The following ADAMTS18 variants were observed in gnomAD, a reference collection of about 807,000 sequenced individuals.
ADAMTS18 encodes the protein ADAM metallopeptidase with thrombospondin type 1 motif 18.
In ADAMTS18, 157 loss-of-function variants were observed where a neutral mutation model predicts 165.9. The observed-to-expected ratio is 0.95, with a 90% CI of 0.83 to 1.08. The LOEUF is 1.08. Among genes scored for constraint, ADAMTS18 ranks in the 50% least tolerant of loss-of-function variants. ADAMTS18 has a pLI of 0.00. For missense variants in ADAMTS18, 2,040 were observed against 1,534.0 expected (o/e 1.33, Z -5.51); for synonymous variants, 782 against 578.2 (o/e 1.35, Z -5.06).
chr16:77,392,853 C>G lies in ADAMTS18; in HGVS notation c.496-25130G>C, dbSNP rs542244169. Among the ~76,000 whole-genome samples, 4 of 152,202 alleles carry G rather than the reference C, an allele frequency of 2.6e-5. No individual in the cohort carries two copies. In the East Asian group the frequency reaches 7.7e-4, roughly 29 times the overall value. On this transcript the variant is annotated intron_variant, in intron 3 of 22. Coordinates refer to ENST00000282849, the MANE Select transcript of ADAMTS18 (RefSeq NM_199355.4). Reference sequence around the variant, plus strand: ...TCATTTACTCTTCAGTTTAATCAGGCAATAAATGAGAAGGCGTAAATGGCA... The same window carrying G: ...TCATTTACTCTTCAGTTTAATCAGGGAATAAATGAGAAGGCGTAAATGGCA...
Position 77,370,515 on chromosome 16 carries a change from C to T in ADAMTS18, c.496-2792G>A, listed in dbSNP as rs562598474. Among the ~76,000 whole-genome samples, 447 of 152,066 alleles carry T rather than the reference C, an allele frequency of 2.9e-3. 5 individuals carry two copies. The highest frequency in any genetic ancestry group is 9.5e-3 in the African/African-American group (394 of 41,488). On this transcript the variant is annotated intron_variant, in intron 3 of 22. Coordinates refer to ENST00000282849, the MANE Select transcript of ADAMTS18 (RefSeq NM_199355.4). Reference sequence around the variant, plus strand: ...CTGTAATCTCAGGACTTTGGGAGGCCGAGGTGGGTGGATCACTTGAGGTCA... The same window carrying T: ...CTGTAATCTCAGGACTTTGGGAGGCTGAGGTGGGTGGATCACTTGAGGTCA...
chr16:77,371,386 C>T (rs1457521738), intron 3 of ADAMTS18, among the ~76,000 whole-genome samples: 1 of 152,014 alleles, frequency 6.6e-6, no homozygotes, highest in Non-Finnish European at 1.5e-5. Context: ...TTGAAATATA[C>T]TAGAAAGCTA....
intron 3 of ADAMTS18, among the ~76,000 whole-genome samples, chr16:77,418,609 C>T (rs1474181929): frequency 6.6e-6 from 1 of 152,172 alleles, no homozygotes; most frequent in Admixed American, 6.5e-5. Flanking sequence ...CAATGCCCGA[C>T]TGAGAAACCC....
intron 9 of ADAMTS18, among the ~76,000 whole-genome samples, chr16:77,355,090 T>G (rs900683581): frequency 6.6e-6 from 1 of 152,086 alleles, no homozygotes; most frequent in Non-Finnish European, 1.5e-5. Context: ...AGGTTAAAAA[T>G]AAAGTATCAA....
At chr16:77,395,173 A>G (rs2144798129) in intron 3 of ADAMTS18, among the ~76,000 whole-genome samples, 1 of 152,174 alleles carries the variant, frequency 6.6e-6, no homozygotes. Flanking sequence ...GAAACTGGAA[A>G]CTCTTCTTAG....
chr16:77,310,332 T>C (rs1297771931), intron 16 of ADAMTS18, among the ~76,000 whole-genome samples: 1 of 152,058 alleles, frequency 6.6e-6, no homozygotes, highest in African/African-American at 2.4e-5. Flanking sequence ...TAACATAGGG[T>C]TTGGGGGTGC....
At chr16:77,366,161 ACTT>A (rs10587634) in intron 4 of ADAMTS18, among the ~76,000 whole-genome samples, 56,894 of 151,888 alleles carry the variant, frequency 0.37, 13,193 homozygotes, top group African/African-American at 0.62. Flanking sequence ...ATGAGAATAA[ACTT>A]CTTCTGGCTG....
intron 3 of ADAMTS18, among the ~76,000 whole-genome samples, chr16:77,419,159 A>G (rs2057568602): frequency 6.6e-6 from 1 of 151,396 alleles, no homozygotes; most frequent in South Asian, 2.1e-4. Context: ...AGGGGGAAAA[A>G]AAATCAATTA....
intron 3 of ADAMTS18, among the ~76,000 whole-genome samples, chr16:77,388,351 C>T (rs2057138726): frequency 1.3e-5 from 2 of 152,208 alleles, no homozygotes; most frequent in African/African-American, 4.8e-5. Flanking sequence ...CCGCCTGCCT[C>T]AGCCTCCCAA....
chr16:77,416,791 T>C (rs747226241), intron 3 of ADAMTS18, among the ~76,000 whole-genome samples: 1 of 152,054 alleles, frequency 6.6e-6, no homozygotes, highest in African/African-American at 2.4e-5. Flanking sequence ...ATGAGAAGAA[T>C]AGACTAAAGG....
At chr16:77,303,334 A>C (rs992259714) in intron 16 of ADAMTS18, among the ~76,000 whole-genome samples, 2 of 152,180 alleles carry the variant, frequency 1.3e-5, no homozygotes, top group African/African-American at 2.4e-5. Context: ...CATCTTCCAT[A>C]CTACATTGTC....
Position 77,335,840 on chromosome 16 carries a change from C to A in ADAMTS18, c.1775G>T (p.Trp592Leu). ...TTCTGACCACTTCGACCAGGCGGAC[C>A]ACTGGCCGTGGATGGGCCGGGGCCC... ...ELGPRPIHGQ[W>L]SAWSKWSECS... Residue 592 changes from tryptophan to leucine, a missense_variant, in exon 12 of 23, where the codon TGG becomes TTG. By Grantham distance (61) the Trp-to-Leu change is moderately conservative (BLOSUM62 -2). Transcript: ENST00000282849. 3 of 1,614,208 alleles carry A rather than the reference C, an allele frequency of 1.9e-6. No individual in the cohort carries two copies. The highest frequency in any genetic ancestry group is 2.5e-6 in the Non-Finnish European group (3 of 1,180,042).
intron 11 of ADAMTS18, 84 bp from the exon 12 acceptor site, chr16:77,335,988 G>C: frequency 6.5e-7 from 1 of 1,531,898 alleles, no homozygotes; most frequent in Non-Finnish European, 9.0e-7. Flanking sequence ...ACAGTAACAG[G>C]AAAAACAGGT....
chr16:77,336,629 T>G lies in ADAMTS18; in HGVS notation c.1711-725A>C, dbSNP rs541321357. ...ATGAATTAGCCCAGGGTCTTTCATT[T>G]GCCCATGATCTGTACAAGCTAGATG... On this transcript the variant is annotated intron_variant, in intron 11 of 22. Transcript: ENST00000282849. 3.9e-5 allele frequency among the ~76,000 whole-genome samples: 6 copies of G among 152,330 alleles called. No homozygotes were observed. In the East Asian group the frequency reaches 5.8e-4, roughly 15 times the overall value.
At chr16:77,382,563 G>T (rs1353787131) in intron 3 of ADAMTS18, among the ~76,000 whole-genome samples, 1 of 152,168 alleles carries the variant, frequency 6.6e-6, no homozygotes, top group Non-Finnish European at 1.5e-5. Flanking sequence ...TTTACAAGTG[G>T]TTTGGTCATG....
At chr16:77,319,527 C>T (rs181845269) in intron 16 of ADAMTS18, among the ~76,000 whole-genome samples, 177 of 152,234 alleles carry the variant, frequency 1.2e-3, no homozygotes, top group Middle Eastern at 6.8e-3. Flanking sequence ...CTGCAACTTC[C>T]GCCTCCTAGG....
At chr16:77,358,320 A>C (rs74791852) in intron 8 of ADAMTS18, among the ~76,000 whole-genome samples, 25,007 of 152,142 alleles carry the variant, frequency 0.16, 2,433 homozygotes, top group East Asian at 0.27. Flanking sequence ...TCACACCTGT[A>C]ATCTCAGCAC....
intron 16 of ADAMTS18, among the ~76,000 whole-genome samples, chr16:77,314,242 G>A (rs1276310843): frequency 6.6e-6 from 1 of 152,106 alleles, no homozygotes; most frequent in Non-Finnish European, 1.5e-5. Context: ...GGGACTAGAG[G>A]TTTTCTTAAG....
chr16:77,359,379 T>C lies in ADAMTS18; in HGVS notation c.1261A>G (p.Thr421Ala). ...SGMCSKYRSCTINEDTGLGLA... is the reference protein window; with the variant it reads ...SGMCSKYRSCAINEDTGLGLA... The stretch of plus-strand genomic sequence containing the variant: ...CCAAGTCCTGTGTCCTCATTGATGG[T>C]ACAACTTCGGTACTTAGAGCACATT... Residue 421 changes from threonine (T) to alanine (A), a missense_variant, in exon 8 of 23, where the codon ACC becomes GCC. Thr to Ala is a moderately conservative substitution (Grantham distance 58, BLOSUM62 0). Coordinates refer to ENST00000282849, the MANE Select transcript of ADAMTS18 (RefSeq NM_199355.4). 1 of 1,614,128 alleles carries C rather than the reference T, an allele frequency of 6.2e-7. No individual in the cohort carries two copies. The highest frequency in any genetic ancestry group is 1.1e-5 in the South Asian group (1 of 91,038).
Sources: allele counts gnomAD v4.1 joint callset (sites outside exome capture counted in the v4.1 genomes callset), GRCh38; gene constraint gnomAD v4.1.1; transcripts MANE v1.5; gene names NCBI Gene and HGNC (gene_info 2026-07-23, HGNC 2026-07-21).